The following GKAP1 variants were observed in gnomAD, a reference collection of about 807,000 sequenced individuals.
The protein encoded by GKAP1 is G kinase anchoring protein 1, also known as G kinase-anchoring protein 1.
Under a neutral mutation model 56.7 loss-of-function variants are expected in GKAP1, and 31 were observed. That is an observed-to-expected ratio of 0.55 (90% CI 0.41 to 0.74). The LOEUF (loss-of-function observed/expected upper bound fraction) is 0.74. Among genes scored for constraint, GKAP1 ranks in the 30% least tolerant of loss-of-function variants. GKAP1 has a pLI of 0.00. For synonymous variants in GKAP1, 151 were observed against 138.6 expected (o/e 1.09, Z -0.63); for missense variants, 364 against 402.3 (o/e 0.90, Z 0.82).
chr9:83,794,910 T>C (rs1021289931), intron 4 of GKAP1, among the ~76,000 whole-genome samples: 1 of 151,930 alleles, frequency 6.6e-6, no homozygotes, highest in Non-Finnish European at 1.5e-5. Flanking sequence ...AGCACTTTGG[T>C]AGGTGGAGGT....
At chr9:83,792,970 C>G in intron 4 of GKAP1, 4 of 1,271,562 alleles carry the variant, frequency 3.1e-6, no homozygotes, top group African/African-American at 1.5e-5. Context: ...AGATGGAGTA[C>G]TTCAGATCCC....
At chr9:83,781,078 T>C (rs1019555842) in intron 6 of GKAP1, among the ~76,000 whole-genome samples, 3 of 151,948 alleles carry the variant, frequency 2.0e-5, no homozygotes, top group Non-Finnish European at 2.9e-5. Flanking sequence ...AAAGTACAAA[T>C]AAGGCCAGGG....
chr9:83,778,208 G>A (rs1185308027), intron 7 of GKAP1, among the ~76,000 whole-genome samples: 4 of 152,052 alleles, frequency 2.6e-5, no homozygotes, highest in Non-Finnish European at 5.9e-5. Context: ...TATATACCCA[G>A]AGGAATATAA....
chr9:83,786,497 C>T (rs896446091), intron 5 of GKAP1, among the ~76,000 whole-genome samples: 5 of 150,618 alleles, frequency 3.3e-5, no homozygotes, highest in African/African-American at 4.9e-5. Context: ...ACCGAGATTG[C>T]GCCATTACAC....
chr9:83,780,291 T>C (rs1171179655), intron 7 of GKAP1, 91 bp downstream of exon 7: 1 of 752,794 alleles, frequency 1.3e-6, no homozygotes, highest in East Asian at 2.8e-5. Context: ...CTTTAAATGA[T>C]TATGTCTCAA....
chr9:83,742,537 G>T lies in GKAP1; in HGVS notation c.968C>A (p.Thr323Asn). 1 of 1,609,798 alleles carries T rather than the reference G, an allele frequency of 6.2e-7. No homozygotes were observed. The highest frequency in any genetic ancestry group is 8.5e-7 in the Non-Finnish European group (1 of 1,177,052). The change falls in exon 11 of 13, where the codon ACT becomes AAT. Residue 323 changes from threonine to asparagine, a missense_variant. Coordinates refer to ENST00000376371, the MANE Select transcript of GKAP1 (RefSeq NM_025211.4). ...DESQSIKNELTIQVTSLHAAL... is the reference protein window; with the variant it reads ...DESQSIKNELNIQVTSLHAAL... Reference sequence around the variant, plus strand: ...TGCTCCACAGTTCCTTACCTGAATAGTGAGCTCATTCTTGATACTTTGTGA... The same window carrying T: ...TGCTCCACAGTTCCTTACCTGAATATTGAGCTCATTCTTGATACTTTGTGA...
chr9:83,779,725 T>G (rs1943939913), intron 7 of GKAP1, among the ~76,000 whole-genome samples: 1 of 150,748 alleles, frequency 6.6e-6, no homozygotes, highest in African/African-American at 2.4e-5. Flanking sequence ...AATAGAAGAA[T>G]AAAACTTTGA....
chr9:83,812,400 A>T (rs1944524546), intron 2 of GKAP1, among the ~76,000 whole-genome samples: 1 of 149,992 alleles, frequency 6.7e-6, no homozygotes. Context: ...CCAAGGCTGG[A>T]GCAGTGGTGT....
intron 10 of GKAP1, among the ~76,000 whole-genome samples, chr9:83,745,918 G>C (rs1943285793): frequency 6.6e-6 from 1 of 151,814 alleles, no homozygotes; most frequent in African/African-American, 2.4e-5. Context: ...AGCCTCCCAA[G>C]TAGCTGGGAT....
chr9:83,769,307 T>C (rs1943716963), intron 7 of GKAP1, among the ~76,000 whole-genome samples: 1 of 152,132 alleles, frequency 6.6e-6, no homozygotes, highest in African/African-American at 2.4e-5. Flanking sequence ...ATTCACAGAG[T>C]TGTACAACCA....
chr9:83,806,224 C>T, intron 3 of GKAP1, 78 bp downstream of exon 3: 3 of 903,470 alleles, frequency 3.3e-6, no homozygotes. Context: ...TATGGATACA[C>T]AGGGGAACAA....
intron 10 of GKAP1, among the ~76,000 whole-genome samples, chr9:83,743,524 G>A (rs1158854005): frequency 1.3e-5 from 2 of 152,254 alleles, no homozygotes; most frequent in East Asian, 1.9e-4. Context: ...CAACCCATGA[G>A]GCGGAGGCTG....
chr9:83,788,782 T>TA (rs1257373157), intron 4 of GKAP1, 104 bp from the exon 5 acceptor site: 3 of 610,408 alleles, frequency 4.9e-6, no homozygotes, highest in African/African-American at 3.7e-5. Flanking sequence ...GCAAATATGT[T>TA]AAAAAACAAT....
At chr9:83,752,651 T>C (rs1242072358) in intron 9 of GKAP1, among the ~76,000 whole-genome samples, 1 of 152,172 alleles carries the variant, frequency 6.6e-6, no homozygotes, top group African/African-American at 2.4e-5. Flanking sequence ...TACACAATAC[T>C]GTGTATAAAG....
intron 7 of GKAP1, 107 bp downstream of exon 7, chr9:83,780,275 G>T: frequency 2.9e-6 from 2 of 680,784 alleles, no homozygotes; most frequent in African/African-American, 1.9e-5. Flanking sequence ...AAACCTATGG[G>T]TTGTCCTTTA....
At chr9:83,766,115 A>G (rs532206110) in intron 8 of GKAP1, among the ~76,000 whole-genome samples, 1 of 152,286 alleles carries the variant, frequency 6.6e-6, no homozygotes, top group South Asian at 2.1e-4. Flanking sequence ...GGCTTCCCCC[A>G]TACTGGTCTT....
At chr9:83,754,671 G>C (rs1284971105) in intron 8 of GKAP1, among the ~76,000 whole-genome samples, 1 of 152,226 alleles carries the variant, frequency 6.6e-6, no homozygotes, top group Non-Finnish European at 1.5e-5. Flanking sequence ...AAGATAGTGA[G>C]GGGGAAGATG....
Position 83,812,259 on chromosome 9 carries a change from GTATA to G in GKAP1, c.-44+4733_-44+4736del, listed in dbSNP as rs527375496. ...TACATATATACGTATATATGTATACGTATATATACACATATATATACACATATAT... is the reference window on the plus strand; with the variant it reads ...TACATATATACGTATATATGTATACGTATACACATATATATACACATATAT... On this transcript the variant is annotated intron_variant, in intron 2 of 12. Coordinates refer to ENST00000376371, the MANE Select transcript of GKAP1 (RefSeq NM_025211.4). 1.8e-3 allele frequency among the ~76,000 whole-genome samples: 250 copies of G among 141,910 alleles called. 1 individual carries two copies. The highest frequency in any genetic ancestry group is 6.1e-3 in the African/African-American group (232 of 38,240). 93.1% of individuals were successfully genotyped at this position (141,910 alleles called of 152,430 possible).
chr9:83,802,902 T>G (rs1270278224), intron 3 of GKAP1, among the ~76,000 whole-genome samples: 1 of 150,992 alleles, frequency 6.6e-6, no homozygotes, highest in Non-Finnish European at 1.5e-5. Context: ...GAGGCCAAGG[T>G]GGGGTGGATC....
Sources: gnomAD v4.1 joint callset for allele counts (sites outside exome capture counted in the v4.1 genomes callset) on GRCh38, gnomAD v4.1.1 for gene constraint, MANE v1.5 for transcripts, NCBI Gene and HGNC (gene_info 2026-07-23, HGNC 2026-07-21) for gene names.